GFRA1: variants seen among roughly 807,000 people sequenced by gnomAD.
GFRA1 encodes GDNF family receptor alpha 1.
Under a neutral mutation model 51.6 loss-of-function variants are expected in GFRA1, and 16 were observed. That is an observed-to-expected ratio of 0.31 (90% confidence interval 0.21 to 0.47). The LOEUF is 0.47. Ranked by LOEUF, GFRA1 falls within the 20% of genes least tolerant of loss-of-function variation. GFRA1 has a pLI of 1.00. For missense variants in GFRA1, 530 were observed against 594.3 expected, an observed-to-expected ratio of 0.89 and a Z score of 1.13; for synonymous variants, 270 against 241.3, an observed-to-expected ratio of 1.12 and a Z score of -1.10.
At chr10:116,202,851 C>T (rs1964447060) in intron 5 of GFRA1, among the ~76,000 whole-genome samples, 1 of 152,102 alleles carries the variant, frequency 6.6e-6, no homozygotes, top group African/African-American at 2.4e-5. Flanking sequence ...CATGTTACAT[C>T]CCCAGCTGGG....
Position 116,112,746 on chromosome 10 carries a change from C to T in GFRA1, c.770+12475G>A, listed in dbSNP as rs527903414. ...AGTGCTCCAGCCTGCCAAGCAGCCC[C>T]GGAGCGACCGCACAGCTGACGGTAG... On this transcript the variant is annotated intron_variant, in intron 6 of 10. Coordinates refer to ENST00000355422, the MANE Select transcript of GFRA1 (RefSeq NM_005264.8). 6.9e-4 allele frequency among the ~76,000 whole-genome samples: 105 copies of T among 152,324 alleles called. 1 individual carries two copies. Among genetic ancestry groups the T allele is most frequent in the South Asian group, 1.9e-3 (9 of 4,828 alleles).
intron 6 of GFRA1, among the ~76,000 whole-genome samples, chr10:116,110,514 A>C (rs564407096): frequency 6.6e-6 from 1 of 152,312 alleles, no homozygotes; most frequent in Non-Finnish European, 1.5e-5. Context: ...CTTATACACC[A>C]GAACACACCC....
At chr10:116,069,798 C>T (rs1406784365) in intron 9 of GFRA1, among the ~76,000 whole-genome samples, 2 of 152,206 alleles carry the variant, frequency 1.3e-5, no homozygotes, top group African/African-American at 4.8e-5. Flanking sequence ...TCATTTATAG[C>T]TCTCAGCCCA....
rs1844050778 is a variant in GFRA1 at position 116,272,680 on chromosome 10, T to TCCC, written c.-246-408_-246-406dup. 6.6e-6 allele frequency: 1 copy of TCCC among 151,780 alleles called. No individual in the cohort carries two copies. The highest frequency in any genetic ancestry group is 6.6e-5 in the Admixed American group (1 of 15,252). 9.4% of individuals were successfully genotyped at this position (151,780 alleles called of 1,614,324 possible). On this transcript the variant is annotated intron_variant, in intron 1 of 10. Coordinates refer to ENST00000355422, the MANE Select transcript of GFRA1 (RefSeq NM_005264.8). The surrounding 1 kb of genome is among the most constrained non-coding windows in gnomAD (Gnocchi z 4.4). ...AGCCCCTTCTCCCGGGAAGTTGGCC[T>TCCC]CCCCCTCCTCGCGTCAGCCAGCGAG... is the stretch of plus-strand genomic sequence containing the variant.
At chr10:116,265,608 A>G (rs1969593817) in intron 4 of GFRA1, among the ~76,000 whole-genome samples, 1 of 152,228 alleles carries the variant, frequency 6.6e-6, no homozygotes, top group African/African-American at 2.4e-5. Flanking sequence ...TTTCTGAGGA[A>G]GAAAAGCAGG....
At position 116,188,259 on chromosome 10, in the gene GFRA1, T is replaced by G. The variant is rs1202962230; in HGVS notation, c.433+23372A>C. 2.0e-5 allele frequency among the ~76,000 whole-genome samples: 3 copies of G among 152,168 alleles called. No individual in the cohort carries two copies. In the East Asian group the frequency reaches 5.8e-4, roughly 29 times the overall value. On this transcript the variant is annotated intron_variant, in intron 5 of 10. Coordinates refer to ENST00000355422, the MANE Select transcript of GFRA1 (RefSeq NM_005264.8). ...AGAGGTGCCCATGGGATCTGAGGGT[T>G]CGGAGGAATGAGGACCTGCGTCCCT...
chr10:116,072,807 AG>A (rs1350768637), intron 9 of GFRA1, among the ~76,000 whole-genome samples: 6 of 152,180 alleles, frequency 3.9e-5, no homozygotes, highest in Admixed American at 3.9e-4. Flanking sequence ...ACAGGTTACA[AG>A]GTTCCTAGTC....
At chr10:116,105,054 G>A (rs540769631) in intron 6 of GFRA1, among the ~76,000 whole-genome samples, 61 of 152,308 alleles carry the variant, frequency 4.0e-4, no homozygotes, top group African/African-American at 1.4e-3. Context: ...CCCATACTAT[G>A]CTATGTCCAT....
chr10:116,263,245 C>A lies in GFRA1; in HGVS notation c.418+6258G>T, dbSNP rs1159884125. Among the ~76,000 whole-genome samples the A allele has an allele frequency of 6.6e-5, 10 of 152,192 alleles. No homozygotes were observed. The East Asian group carries it at 1.9e-3, about 29-fold the overall frequency. On this transcript the variant is annotated intron_variant, in intron 4 of 10. Coordinates refer to ENST00000355422, the MANE Select transcript of GFRA1 (RefSeq NM_005264.8). Reference sequence around the variant, plus strand: ...TTCTCTGATGGGGCAATGTGGTCTGCTGAAAAGAGTCCCAGTCTTGAGTCA... The same window carrying A: ...TTCTCTGATGGGGCAATGTGGTCTGATGAAAAGAGTCCCAGTCTTGAGTCA...
intron 4 of GFRA1, among the ~76,000 whole-genome samples, chr10:116,228,919 T>G (rs1215322910): frequency 7.4e-6 from 1 of 134,832 alleles, no homozygotes; most frequent in African/African-American, 2.8e-5. Flanking sequence ...AGATGCAGGT[T>G]GCAGTGAGCC....
intron 8 of GFRA1, among the ~76,000 whole-genome samples, chr10:116,092,449 C>T (rs1210930860): frequency 6.6e-6 from 1 of 152,042 alleles, no homozygotes; most frequent in African/African-American, 2.4e-5. Flanking sequence ...AAACTATTAG[C>T]TACCAACCAA....
At chr10:116,153,582 C>G (rs1252050854) in intron 5 of GFRA1, among the ~76,000 whole-genome samples, 1 of 152,038 alleles carries the variant, frequency 6.6e-6, no homozygotes, top group African/African-American at 2.4e-5. Context: ...ATTTGAGAAT[C>G]CTTTAAAAAG....
intron 4 of GFRA1, among the ~76,000 whole-genome samples, chr10:116,232,558 T>C (rs1005896379): frequency 2.0e-5 from 3 of 152,166 alleles, no homozygotes; most frequent in African/African-American, 4.8e-5. Flanking sequence ...GCTTGTCTAA[T>C]TTTGTAACAA....
chr10:116,092,805 C>A (rs1326019606), intron 8 of GFRA1, among the ~76,000 whole-genome samples: 1 of 152,158 alleles, frequency 6.6e-6, no homozygotes, highest in Non-Finnish European at 1.5e-5. Context: ...ATTTTACACT[C>A]GCTATAGAGT....
intron 6 of GFRA1, among the ~76,000 whole-genome samples, chr10:116,100,853 C>T (rs941356491): frequency 7.2e-5 from 11 of 152,116 alleles, no homozygotes; most frequent in African/African-American, 2.2e-4. Context: ...GGAGGATGCC[C>T]GGAAATGTGG....
At chr10:116,072,771 A>T (rs72834529) in intron 9 of GFRA1, among the ~76,000 whole-genome samples, 2,914 of 152,176 alleles carry the variant, frequency 0.019, 26 homozygotes, top group Non-Finnish European at 0.031. Flanking sequence ...AAAACAAAAC[A>T]AAACAAAACA....
At chr10:116,273,972 A>G (rs1321125334), upstream of GFRA1, among the ~76,000 whole-genome samples, 1 of 152,114 alleles carries the variant, frequency 6.6e-6, no homozygotes, top group Non-Finnish European at 1.5e-5. Flanking sequence ...TGGAGCTCCG[A>G]CAAGGAGACA....
At chr10:116,168,231 G>C (rs185589805) in intron 5 of GFRA1, among the ~76,000 whole-genome samples, 57 of 151,352 alleles carry the variant, frequency 3.8e-4, no homozygotes, top group African/African-American at 1.3e-3. Context: ...ACAAGGCACT[G>C]CTCTAGGTTC....
At chr10:116,218,883 C>G (rs1260584913) in intron 4 of GFRA1, among the ~76,000 whole-genome samples, 1 of 152,178 alleles carries the variant, frequency 6.6e-6, no homozygotes. Context: ...CTCTCGTTTT[C>G]ATTGCTGCTG....
Sources: allele counts gnomAD v4.1 joint callset (sites outside exome capture counted in the v4.1 genomes callset), GRCh38; gene constraint gnomAD v4.1.1; non-coding constraint Gnocchi (gnomAD v3.1); transcripts MANE v1.5; gene names NCBI Gene and HGNC (gene_info 2026-07-23, HGNC 2026-07-21).